CHD1: variants seen among roughly 807,000 people sequenced by gnomAD.
The protein encoded by CHD1 is chromodomain helicase DNA binding protein 1.
CHD1 carries 36 observed loss-of-function variants against 224.2 expected under a neutral mutation model. The observed-to-expected ratio is 0.16, with a 90% CI of 0.12 to 0.21. The LOEUF is 0.21. Ranked by LOEUF, CHD1 falls within the 10% of genes least tolerant of loss-of-function variation. CHD1 has a pLI of 1.00. For missense variants in CHD1, 1,378 were observed against 1,994.8 expected (o/e 0.69, Z 5.89); for synonymous variants, 668 against 658.3 (o/e 1.01, Z -0.23).
At chr5:98,862,436 T>A (rs967304273) in intron 32 of CHD1, among the ~76,000 whole-genome samples, 10 of 152,152 alleles carry the variant, frequency 6.6e-5, no homozygotes, top group African/African-American at 2.2e-4. Context: ...AAAAGTTAAG[T>A]CTCCTGGCTA....
rs779029263 is a variant in CHD1, at chr5:98,875,038, T to C, written c.3440+34A>G. The C allele has an allele frequency of 2.7e-6, 3 of 1,095,732 alleles. No homozygotes were observed. The South Asian group carries it at 4.1e-5, about 15-fold the overall frequency. 67.9% of individuals were successfully genotyped at this position (1,095,732 alleles called of 1,614,324 possible). Reference sequence around the variant, plus strand: ...ATAAAGGTGACAGCATGTAACACATTCCATTATTCTATGAGAATAATAAAC... The same window carrying C: ...ATAAAGGTGACAGCATGTAACACATCCCATTATTCTATGAGAATAATAAAC... On this transcript the variant is annotated intron_variant, in intron 25 of 35. Coordinates refer to ENST00000614616, the MANE Select transcript of CHD1 (RefSeq NM_001270.4).
At chr5:98,922,379 G>A (rs773608365) in intron 2 of CHD1, among the ~76,000 whole-genome samples, 1 of 152,166 alleles carries the variant, frequency 6.6e-6, no homozygotes, top group African/African-American at 2.4e-5. Context: ...TTTCAAGACT[G>A]TCAGCAATAG....
chr5:98,868,798 T>TAAAA, intron 30 of CHD1, 163 bp from the exon 31 acceptor site: 1 of 756,294 alleles, frequency 1.3e-6, no homozygotes, highest in Non-Finnish European at 2.0e-6. Context: ...CCCAATTTTA[T>TAAAA]TTGGGGAAAC....
In CHD1 at chr5:98,898,911, A is replaced by G. The variant is rs557464576; in HGVS notation, c.1086-147T>C. On this transcript the variant is annotated intron_variant, in intron 8 of 35. Transcript: ENST00000614616. ...TGAGTAATAAAGAAACTCAAACAGG[A>G]ATAAAGCATCATTAATTTTTAACTA... 4.9e-6 allele frequency: 3 copies of G among 612,414 alleles called. No individual in the cohort carries two copies. In the South Asian group the frequency reaches 5.9e-5, roughly 12 times the overall value. 37.9% of individuals were successfully genotyped at this position (612,414 alleles called of 1,614,324 possible).
chr5:98,873,560 T>C, intron 26 of CHD1, 33 bp downstream of exon 26: 2 of 1,511,380 alleles, frequency 1.3e-6, no homozygotes, highest in Non-Finnish European at 1.8e-6. Flanking sequence ...TTTCATTTAC[T>C]TCTCTTTTAA....
At chr5:98,922,453 G>C (rs1753162949) in intron 2 of CHD1, among the ~76,000 whole-genome samples, 1 of 152,086 alleles carries the variant, frequency 6.6e-6, no homozygotes, top group African/African-American at 2.4e-5. Flanking sequence ...GTTATAGAGA[G>C]ATCTCCAGAC....
intron 23 of CHD1, 121 bp downstream of exon 23, chr5:98,879,431 A>C: frequency 1.3e-6 from 1 of 749,026 alleles, no homozygotes; most frequent in Non-Finnish European, 2.0e-6. Flanking sequence ...GGCAAACATT[A>C]TCAAATCAAG....
chr5:98,898,460 A>G (rs1751484534), intron 9 of CHD1, 26 bp from the exon 10 acceptor site: 3 of 1,490,246 alleles, frequency 2.0e-6, no homozygotes, highest in Non-Finnish European at 2.7e-6. Context: ...GCATTTACTT[A>G]TTTATTTATT....
chr5:98,868,587 C>T lies in CHD1; in HGVS notation c.4156G>A (p.Val1386Met), dbSNP rs1362110123. The change falls in exon 31 of 36, where the codon GTG (valine) becomes ATG (methionine). Residue 1386 changes from valine to methionine, a missense_variant. Physicochemically the swap from Val to Met is conservative, Grantham distance 21 (BLOSUM62 1). This residue lies in a region of CHD1 where 105 missense variants were observed against 93.4 expected (regional missense o/e 1.12). Coordinates refer to ENST00000614616, the MANE Select transcript of CHD1 (RefSeq NM_001270.4). ...GTGATATGAACTGGAGCATCTGACA[C>T]TGAAGATTTCTTGGATCTTTCCCTA... ...DGRERSKKSS[V>M]SDAPVHITAS... 6.2e-7 allele frequency: 1 copy of T among 1,608,424 alleles called. No individual in the cohort carries two copies. The highest frequency in any genetic ancestry group is 1.1e-5 in the South Asian group (1 of 89,828).
chr5:98,864,517 CAAAAAAAA>C (rs67061692), intron 31 of CHD1, among the ~76,000 whole-genome samples: 71 of 58,136 alleles, frequency 1.2e-3, no homozygotes, highest in African/African-American at 4.0e-3. Flanking sequence ...GATTCTATAC[CAAAAAAAA>C]AAAAAAAAAA....
At chr5:98,909,807 A>C (rs1325929412) in intron 2 of CHD1, among the ~76,000 whole-genome samples, 3 of 152,184 alleles carry the variant, frequency 2.0e-5, no homozygotes, top group African/African-American at 7.2e-5. Flanking sequence ...TTATTTTATA[A>C]ATTTTAATCT....
intron 1 of CHD1, among the ~76,000 whole-genome samples, chr5:98,928,094 C>T (rs1159071076): frequency 2.0e-5 from 3 of 152,132 alleles, no homozygotes; most frequent in African/African-American, 4.8e-5. Flanking sequence ...CCAGGGCCTC[C>T]ATCCCGGTCC....
intron 31 of CHD1, among the ~76,000 whole-genome samples, chr5:98,866,360 A>G (rs1028267859): frequency 2.3e-4 from 35 of 152,306 alleles, no homozygotes; most frequent in East Asian, 1.2e-3. Flanking sequence ...CAATATATTT[A>G]AAGAGCATGA....
At chr5:98,896,763 G>C (rs541128492) in intron 11 of CHD1, among the ~76,000 whole-genome samples, 1 of 144,682 alleles carries the variant, frequency 6.9e-6, no homozygotes, top group Non-Finnish European at 1.5e-5. Flanking sequence ...TATTAAATAA[G>C]TAAAAAGTAT....
chr5:98,887,385 ATTATTAT>A (rs1247627938), intron 17 of CHD1, among the ~76,000 whole-genome samples: 18 of 152,124 alleles, frequency 1.2e-4, no homozygotes, highest in South Asian at 2.1e-4. Flanking sequence ...GTTCAGTCCC[ATTATTAT>A]AATTTTACTG....
intron 1 of CHD1, among the ~76,000 whole-genome samples, chr5:98,927,103 G>A (rs1753518593): frequency 6.6e-6 from 1 of 152,034 alleles, no homozygotes; most frequent in Admixed American, 6.6e-5. Context: ...CAGGTAAACG[G>A]ATAGTGGGAT....
Position 98,876,415 on chromosome 5 carries a change from A to G in CHD1, c.3381T>C (p.Ser1127=), listed in dbSNP as rs748387420. 5.0e-6 allele frequency: 8 copies of G among 1,613,826 alleles called. No homozygotes were observed. The highest frequency in any genetic ancestry group is 6.8e-6 in the Non-Finnish European group (8 of 1,179,864). ...TIPRENIKGF[S]DAEIRRFIKS... is the part of the protein sequence containing the mutation. The stretch of plus-strand genomic sequence containing the variant: ...CACCTTACCGCCTAATTTCTGCATC[A>G]CTAAATCCTTTAATATTCTCCCGAG... The change falls in exon 24 of 36, where the codon AGT becomes AGC. Residue 1127 remains serine, a synonymous_variant. Transcript: ENST00000614616.
At chr5:98,868,385 T>A in intron 31 of CHD1, 110 bp downstream of exon 31, 6 of 689,634 alleles carry the variant, frequency 8.7e-6, no homozygotes, top group Non-Finnish European at 1.3e-5. Flanking sequence ...ATTGCTTTTA[T>A]CAATCTACAA....
In CHD1 at chr5:98,927,629, A is replaced by C. The variant is rs73155405; in HGVS notation, c.-149+910T>G. Among the ~76,000 whole-genome samples, 330 of 152,340 alleles carry C rather than the reference A, an allele frequency of 2.2e-3. 1 individual carries two copies. The highest frequency in any genetic ancestry group is 7.7e-3 in the African/African-American group (319 of 41,580). ...TACTCAACATTTATTCCTAATGTTAAATATTAATCTCAACCCTAGTCAAAG... is the reference window on the plus strand; with the variant it reads ...TACTCAACATTTATTCCTAATGTTACATATTAATCTCAACCCTAGTCAAAG... On this transcript the variant is annotated intron_variant, in intron 1 of 35. Transcript: ENST00000614616.
Sources: allele counts gnomAD v4.1 joint callset (sites outside exome capture counted in the v4.1 genomes callset), GRCh38; gene constraint gnomAD v4.1.1; regional missense constraint gnomAD v4.1.1; transcripts MANE v1.5; gene names NCBI Gene and HGNC (gene_info 2026-07-23, HGNC 2026-07-21).